CCDC18: variants seen among roughly 807,000 people sequenced by gnomAD.
CCDC18 encodes coiled-coil domain containing 18.
A neutral mutation model predicts 196.0 loss-of-function variants in CCDC18; 157 were observed. That is an observed-to-expected ratio of 0.80 (90% CI 0.70 to 0.91). The LOEUF is 0.91. Ranked by LOEUF, CCDC18 falls within the 40% of genes least tolerant of loss-of-function variation. The probability of loss-of-function intolerance (pLI) is 0.00; values close to 1 mark genes in which losing one functional copy is unlikely to be tolerated. For missense variants in CCDC18, 1,465 were observed against 1,611.6 expected, an observed-to-expected ratio of 0.91 and a Z score of 1.56; for synonymous variants, 482 against 529.2, an observed-to-expected ratio of 0.91 and a Z score of 1.22.
At chr1:93,199,569 G>A (rs887415747) in intron 6 of CCDC18, among the ~76,000 whole-genome samples, 1 of 152,212 alleles carries the variant, frequency 6.6e-6, no homozygotes, top group Non-Finnish European at 1.5e-5. Context: ...TCTTCTTGTT[G>A]CCTGCAACGT....
At position 93,246,729 on chromosome 1, in the gene CCDC18, A is replaced by G. The variant is rs370244715; in HGVS notation, c.3082-109A>G. 3.3e-5 allele frequency: 20 copies of G among 601,594 alleles called. 1 individual carries two copies. The highest frequency in any genetic ancestry group is 1.2e-4 in the African/African-American group (6 of 51,510). 37.3% of individuals were successfully genotyped at this position (601,594 alleles called of 1,614,324 possible). ...GAGCATTAGTATATTAGCTATACTA[A>G]TGAGTTTATACTTGTTATACTTGCT... On this transcript the variant is annotated intron_variant, in intron 22 of 28. Transcript: ENST00000690025.
chr1:93,214,822 A>G lies in CCDC18; in HGVS notation c.1575A>G (p.Ile525Met). 1.9e-6 allele frequency: 3 copies of G among 1,613,626 alleles called. No homozygotes were observed. The highest frequency in any genetic ancestry group is 2.2e-5 in the East Asian group (1 of 44,792). ...AGAGGCAAAGACTTGTTACTGGAATAGAAGAACTACGTACTAAGCTGATAC... is the reference window on the plus strand; with the variant it reads ...AGAGGCAAAGACTTGTTACTGGAATGGAAGAACTACGTACTAAGCTGATAC... ...EKERQRLVTGIEELRTKLIQI... is the reference protein window; with the variant it reads ...EKERQRLVTGMEELRTKLIQI... Residue 525 changes from isoleucine (I) to methionine (M), a missense_variant, in exon 12 of 29, where the codon ATA becomes ATG. By Grantham distance (10) the Ile-to-Met change is conservative (BLOSUM62 1). Coordinates refer to ENST00000690025, the MANE Select transcript of CCDC18 (RefSeq NM_001378204.1).
chr1:93,197,862 T>C (rs961257488), intron 6 of CCDC18, among the ~76,000 whole-genome samples: 5 of 150,074 alleles, frequency 3.3e-5, no homozygotes, highest in Non-Finnish European at 5.9e-5. Context: ...TGCCATTCTC[T>C]TGCTTCAGCC....
Position 93,278,491 on chromosome 1 carries a change from C to A in CCDC18, c.*14C>A. On this transcript the variant is annotated 3_prime_UTR_variant, in exon 29 of 29. Transcript: ENST00000690025. ...GAAAATGTGTAATTCAAAGAAGATA[C>A]TGATGTGTTGAAAAAATGGAATTTT... 1 of 1,282,224 alleles carries A rather than the reference C, an allele frequency of 7.8e-7. No homozygotes were observed. The highest frequency in any genetic ancestry group is 1.8e-5 in the South Asian group (1 of 56,216). 79.4% of individuals were successfully genotyped at this position (1,282,224 alleles called of 1,614,324 possible).
chr1:93,199,021 G>A (rs958497389), intron 6 of CCDC18, among the ~76,000 whole-genome samples: 9 of 152,200 alleles, frequency 5.9e-5, no homozygotes, highest in Admixed American at 5.2e-4. Flanking sequence ...GGACTGACAT[G>A]GAGAAAGAAA....
In CCDC18 at chr1:93,270,358, A is replaced by T; in HGVS notation, c.3897A>T (p.Leu1299Phe). 1 of 1,544,424 alleles carries T rather than the reference A, an allele frequency of 6.5e-7. No homozygotes were observed. The highest frequency in any genetic ancestry group is 8.8e-7 in the Non-Finnish European group (1 of 1,142,348). The change falls in exon 28 of 29, where the codon TTA becomes TTT. Residue 1299 changes from leucine (L) to phenylalanine (F), a missense_variant. Physicochemically the swap from Leu to Phe is conservative, Grantham distance 22. Transcript: ENST00000690025. ...NEALLTKESE[L>F]TRLQAKISGH... The stretch of plus-strand genomic sequence containing the variant: ...CAATTTATCTGCAGGAATCAGAATT[A>T]ACCAGATTACAGGCCAAAATTTCTG...
In CCDC18 at chr1:93,254,472, TAGAA is replaced by T. The variant is rs771331963; in HGVS notation, c.3203_3206del (p.Glu1068ValfsTer2). 1 of 1,567,152 alleles carries T rather than the reference TAGAA, an allele frequency of 6.4e-7. No individual in the cohort carries two copies. Among genetic ancestry groups the T allele is most frequent in the Non-Finnish European group, 8.7e-7 (1 of 1,150,036 alleles). ...ACTGCTTATCTGTTTAAAATTCAGA[TAGAA>T]AGTCTGAATGACAAATTACAAAATG... is the stretch of plus-strand genomic sequence containing the variant. On this transcript the variant is annotated frameshift_variant and splice_region_variant, in exon 24 of 29. Transcript: ENST00000690025. LOFTEE classifies it high-confidence loss of function.
rs1235508870 is a variant in CCDC18, at chr1:93,214,815, C to T, written c.1568C>T (p.Thr523Ile). 5 of 1,613,228 alleles carry T rather than the reference C, an allele frequency of 3.1e-6. No individual in the cohort carries two copies. The African/African-American group carries it at 6.7e-5, about 22-fold the overall frequency. The part of the protein sequence containing the change: ...QYEKERQRLV[T>I]GIEELRTKLI... ...GAAAAAGAGAGGCAAAGACTTGTTACTGGAATAGAAGAACTACGTACTAAG... is the reference window on the plus strand; with the variant it reads ...GAAAAAGAGAGGCAAAGACTTGTTATTGGAATAGAAGAACTACGTACTAAG... The change falls in exon 12 of 29, where the codon ACT becomes ATT. Residue 523 changes from threonine (T) to isoleucine (I), a missense_variant. Physicochemically the swap from Thr to Ile is moderately conservative, Grantham distance 89 (BLOSUM62 -1). Transcript: ENST00000690025.
intron 23 of CCDC18, among the ~76,000 whole-genome samples, chr1:93,253,741 G>A (rs988566701): frequency 3.3e-5 from 5 of 152,180 alleles, no homozygotes; most frequent in African/African-American, 9.7e-5. Context: ...TCAGATGGTT[G>A]TGCTTGTAGG....
chr1:93,259,885 G>GT (rs375334271), intron 26 of CCDC18, among the ~76,000 whole-genome samples: 1 of 152,114 alleles, frequency 6.6e-6, no homozygotes, highest in Non-Finnish European at 1.5e-5. Context: ...CCTCTGTTCT[G>GT]TTTTTAAGTA....
intron 17 of CCDC18, 81 bp from the exon 18 acceptor site, chr1:93,232,345 A>G (rs1659359210): frequency 6.2e-6 from 5 of 806,922 alleles, no homozygotes; most frequent in Non-Finnish European, 9.9e-6. Context: ...GTTATCTAAT[A>G]AGGAGGACAG....
intron 19 of CCDC18, among the ~76,000 whole-genome samples, chr1:93,238,262 A>C (rs1660311848): frequency 6.6e-6 from 1 of 152,230 alleles, no homozygotes; most frequent in Non-Finnish European, 1.5e-5. Context: ...TTGGGATTTT[A>C]GAAATGTAAA....
At chr1:93,250,574 C>T (rs559937597) in intron 23 of CCDC18, among the ~76,000 whole-genome samples, 2 of 152,008 alleles carry the variant, frequency 1.3e-5, no homozygotes, top group Admixed American at 6.6e-5. Flanking sequence ...AAGTCCCTGT[C>T]GTTTTATTGC....
At position 93,248,009 on chromosome 1, in the gene CCDC18, CTTTT is replaced by C. The variant is rs71586785; in HGVS notation, c.3198+1076_3198+1079del. 5.7e-5 allele frequency among the ~76,000 whole-genome samples: 4 copies of C among 69,794 alleles called. No individual in the cohort carries two copies. In the East Asian group the frequency reaches 1.2e-3, roughly 21 times the overall value. 45.8% of individuals were successfully genotyped at this position (69,794 alleles called of 152,430 possible). A position where few individuals can be genotyped will look rare whatever the true frequency, so the allele number is the denominator to read the frequency against. ...TGATCTTTACTGTGTTATTTTCCTT[CTTTT>C]TTTTTTTTTTTTTTTTTTTTGAGAT... is the stretch of plus-strand genomic sequence containing the variant. On this transcript the variant is annotated intron_variant, in intron 23 of 28. Coordinates refer to ENST00000690025, the MANE Select transcript of CCDC18 (RefSeq NM_001378204.1).
chr1:93,265,962 A>G (rs1269069689), intron 27 of CCDC18, among the ~76,000 whole-genome samples: 2 of 152,156 alleles, frequency 1.3e-5, no homozygotes, highest in Non-Finnish European at 2.9e-5. Context: ...CATCGACAGA[A>G]CTCTCCACTG....
rs1665134729 is a variant in CCDC18 at position 93,270,452 on chromosome 1, G to GT, written c.3991_3992insT (p.Asp1331ValfsTer9). The GT allele has an allele frequency of 6.4e-7, 1 of 1,550,392 alleles. No homozygotes were observed. Among genetic ancestry groups the GT allele is most frequent in the Non-Finnish European group, 8.7e-7 (1 of 1,146,878 alleles). ...TACATCTCCAACAGAAATTATGCCT[G>GT]ATGTTCAAGATCCAAAATTTGCTAA... is the stretch of plus-strand genomic sequence containing the variant. On this transcript the variant is annotated frameshift_variant, in exon 28 of 29. Coordinates refer to ENST00000690025, the MANE Select transcript of CCDC18 (RefSeq NM_001378204.1). LOFTEE classifies it high-confidence loss of function.
At chr1:93,253,575 G>T (rs1450254254) in intron 23 of CCDC18, among the ~76,000 whole-genome samples, 1 of 152,192 alleles carries the variant, frequency 6.6e-6, no homozygotes, top group Non-Finnish European at 1.5e-5. Flanking sequence ...CTCCCTTTGG[G>T]TCTGTGTGTG....
chr1:93,218,011 G>T (rs756784102), intron 14 of CCDC18, 142 bp downstream of exon 14: 62 of 648,962 alleles, frequency 9.6e-5, no homozygotes, highest in Non-Finnish European at 1.4e-4. Context: ...CAATCTTTCT[G>T]AATAATTTTT....
chr1:93,183,171 T>C (rs7535628), intron 1 of CCDC18, among the ~76,000 whole-genome samples, 189 bp from the exon 2 acceptor site: 93,649 of 151,952 alleles, frequency 0.62, 29,277 homozygotes, highest in South Asian at 0.69. Flanking sequence ...TTGTATTGAA[T>C]TCCTTTATGG....
Sources: allele counts gnomAD v4.1 joint callset (sites outside exome capture counted in the v4.1 genomes callset), GRCh38; gene constraint gnomAD v4.1.1; transcripts MANE v1.5; gene names NCBI Gene and HGNC (gene_info 2026-07-23, HGNC 2026-07-21).